Variants in GDA observed in about 807,000 individuals in gnomAD.
The protein encoded by GDA is cytoplasmic PSD-95 interactor.
Under a neutral mutation model 59.6 loss-of-function variants are expected in GDA, and 18 were observed. That is an observed-to-expected ratio of 0.30 (90% CI 0.21 to 0.45). GDA has a LOEUF of 0.45. Ranked by LOEUF, GDA falls within the 20% of genes least tolerant of loss-of-function variation. The pLI is 1.00. For synonymous variants in GDA, 201 were observed against 201.1 expected (o/e 1.00, Z 0.00); for missense variants, 427 against 552.3 (o/e 0.77, Z 2.27).
chr9:72,171,666 T>G (rs559423801), intron 1 of GDA, among the ~76,000 whole-genome samples: 4 of 152,278 alleles, frequency 2.6e-5, no homozygotes, highest in African/African-American at 7.2e-5. Flanking sequence ...ATCTCTTTTT[T>G]TCTTCCTCTT....
chr9:72,130,572 C>G (rs1825993352), intron 1 of GDA, among the ~76,000 whole-genome samples: 1 of 152,188 alleles, frequency 6.6e-6, no homozygotes, highest in African/African-American at 2.4e-5. Flanking sequence ...TGGCCAAACT[C>G]CACTTCCACA....
intron 1 of GDA, among the ~76,000 whole-genome samples, chr9:72,143,193 G>A (rs193203342): frequency 3.3e-4 from 48 of 146,990 alleles, no homozygotes; most frequent in African/African-American, 1.2e-3. Context: ...GCAATGGCGC[G>A]ATCTCGGCTC....
intron 11 of GDA, among the ~76,000 whole-genome samples, chr9:72,244,026 A>G (rs2131818679): frequency 6.6e-6 from 1 of 152,034 alleles, no homozygotes; most frequent in Non-Finnish European, 1.5e-5. Flanking sequence ...ATACACAAAA[A>G]ATTAGCCGGG....
At chr9:72,225,909 T>C in intron 8 of GDA, 125 bp downstream of exon 8, 1 of 550,470 alleles carries the variant, frequency 1.8e-6, no homozygotes, top group Non-Finnish European at 3.2e-6. Flanking sequence ...TTTTAAAGTT[T>C]TAATTTTTGT....
At chr9:72,190,036 CAGTGGATTA>C (rs1334891581) in intron 1 of GDA, among the ~76,000 whole-genome samples, 1 of 152,100 alleles carries the variant, frequency 6.6e-6, no homozygotes, top group Non-Finnish European at 1.5e-5. Flanking sequence ...AAGCTCTAAT[CAGTGGATTA>C]ATGCCATTAT....
At chr9:72,158,293 A>T (rs1217476896) in intron 1 of GDA, among the ~76,000 whole-genome samples, 2 of 152,134 alleles carry the variant, frequency 1.3e-5, no homozygotes, top group African/African-American at 4.8e-5. Context: ...CAGCATCCTC[A>T]TTTAAAAATG....
intron 1 of GDA, among the ~76,000 whole-genome samples, chr9:72,128,078 T>TAACTAACA (rs1825905568): frequency 6.6e-6 from 1 of 152,182 alleles, no homozygotes; most frequent in Admixed American, 6.5e-5. Context: ...ATTTTGTTGT[T>TAACTAACA]AGTTATCCAC....
intron 2 of GDA, among the ~76,000 whole-genome samples, chr9:72,196,362 T>C (rs1833173826): frequency 6.6e-6 from 1 of 151,782 alleles, no homozygotes; most frequent in Non-Finnish European, 1.5e-5. Flanking sequence ...ATATGATGCC[T>C]GTAATCCCAG....
At chr9:72,230,452 T>C (rs146289603) in intron 9 of GDA, among the ~76,000 whole-genome samples, 67 of 151,228 alleles carry the variant, frequency 4.4e-4, no homozygotes, top group African/African-American at 1.6e-3. Context: ...GATTGTGCCA[T>C]TGTACTCCAG....
At chr9:72,200,408 C>T (rs920550339) in intron 2 of GDA, among the ~76,000 whole-genome samples, 1 of 150,734 alleles carries the variant, frequency 6.6e-6, no homozygotes, top group Non-Finnish European at 1.5e-5. Context: ...TTCTCCTCCT[C>T]CTTTCTCGTC....
intron 1 of GDA, among the ~76,000 whole-genome samples, chr9:72,133,358 CTTTA>C (rs144089939): frequency 1.2e-3 from 185 of 148,068 alleles, no homozygotes; most frequent in Non-Finnish European, 1.9e-3. Flanking sequence ...AGTCTCTGAG[CTTTA>C]TTTTTCAGTA....
chr9:72,132,073 T>C (rs890835848), intron 1 of GDA, among the ~76,000 whole-genome samples: 2 of 152,170 alleles, frequency 1.3e-5, no homozygotes, highest in African/African-American at 4.8e-5. Context: ...ATGAGAACAG[T>C]GCAGGAAATA....
chr9:72,212,102 C>T (rs557344596), intron 4 of GDA, among the ~76,000 whole-genome samples: 1 of 152,278 alleles, frequency 6.6e-6, no homozygotes, highest in African/African-American at 2.4e-5. Flanking sequence ...TCTTCCAGCA[C>T]CTTTGATGAG....
intron 1 of GDA, among the ~76,000 whole-genome samples, chr9:72,135,000 C>T (rs954298260): frequency 1.3e-5 from 2 of 152,142 alleles, no homozygotes; most frequent in East Asian, 3.9e-4. Context: ...TGGTTACTTC[C>T]CTGTTGTGCA....
At chr9:72,146,868 C>T (rs1250955804), upstream of GDA, among the ~76,000 whole-genome samples, 5 of 152,118 alleles carry the variant, frequency 3.3e-5, no homozygotes, top group African/African-American at 1.2e-4. Flanking sequence ...GGATCCTGGG[C>T]CCAGGTACCT....
chr9:72,236,183 G>T (rs1442674058), intron 10 of GDA, among the ~76,000 whole-genome samples: 1 of 152,010 alleles, frequency 6.6e-6, no homozygotes, highest in Non-Finnish European at 1.5e-5. Context: ...TATTCACATT[G>T]CAAAAGCTCC....
At chr9:72,239,034 A>G (rs1839323048) in intron 10 of GDA, among the ~76,000 whole-genome samples, 1 of 152,194 alleles carries the variant, frequency 6.6e-6, no homozygotes, top group Admixed American at 6.5e-5. Flanking sequence ...ATCCTACCAC[A>G]GTGCCTCTAG....
intron 7 of GDA, among the ~76,000 whole-genome samples, chr9:72,224,810 T>C (rs1311510548): frequency 3.1e-5 from 1 of 32,004 alleles, no homozygotes; most frequent in Non-Finnish European, 6.4e-5. Flanking sequence ...AGCCCAACCC[T>C]TTTTTTTTTT....
At chr9:72,259,379 G>A (rs575883525), downstream of GDA, among the ~76,000 whole-genome samples, 1 of 152,262 alleles carries the variant, frequency 6.6e-6, no homozygotes, top group Admixed American at 6.5e-5. Flanking sequence ...TTTCTACGAT[G>A]TGGCTCCCAA....
Sources: allele counts gnomAD v4.1 joint callset (sites outside exome capture counted in the v4.1 genomes callset), GRCh38; gene constraint gnomAD v4.1.1; transcripts MANE v1.5; gene names NCBI Gene and HGNC (gene_info 2026-07-23, HGNC 2026-07-21).